MAP1S: variants seen among roughly 807,000 people sequenced by gnomAD.
MAP1S encodes the protein microtubule associated protein 1S.
MAP1S carries 27 observed loss-of-function variants against 60.9 expected under a neutral mutation model. The observed-to-expected ratio is 0.44, with a 90% CI of 0.33 to 0.61. The LOEUF is 0.61. Among genes scored for constraint, MAP1S ranks in the 20% least tolerant of loss-of-function variants. The probability of loss-of-function intolerance (pLI) is 0.03; values close to 1 mark genes in which losing one functional copy is unlikely to be tolerated. For missense variants in MAP1S, 1,608 were observed against 1,486.6 expected (o/e 1.08, Z -1.34); for synonymous variants, 826 against 694.2 (o/e 1.19, Z -2.98).
At chr19:17,720,491 G>A in intron 1 of MAP1S, 3 of 1,522,272 alleles carry the variant, frequency 2.0e-6, no homozygotes, top group Non-Finnish European at 1.8e-6. Context: ...CAGCTCACAT[G>A]GTGTCAGGAA....
At position 17,719,485 on chromosome 19, in the gene MAP1S, C is replaced by T. The variant is rs1344095393; in HGVS notation, c.-18C>T. On this transcript the variant is annotated 5_prime_UTR_variant, in exon 1 of 7. The change creates a new upstream start codon in the 5' untranslated region. Coordinates refer to ENST00000324096, the MANE Select transcript of MAP1S (RefSeq NM_018174.6). ...GGGCCTGCGGGGCGGGCGCCGAGAA[C>T]GCCGGGGCGGCCCGAAGATGGCGGC... is the stretch of plus-strand genomic sequence containing the variant. 4.0e-6 allele frequency: 5 copies of T among 1,240,020 alleles called. No homozygotes were observed. Among genetic ancestry groups the T allele is most frequent in the Non-Finnish European group, 5.1e-6 (5 of 984,394 alleles). The allele number at this position is 1,240,020 out of a possible 1,614,324, so 76.8% of individuals were successfully genotyped here.
rs949779752 is a variant in MAP1S, at chr19:17,725,465, G to T, written c.444+276G>T. On this transcript the variant is annotated intron_variant, in intron 4 of 6. Coordinates refer to ENST00000324096, the MANE Select transcript of MAP1S (RefSeq NM_018174.6). This position sits in a 1 kb window ranked among gnomAD's most constrained non-coding sequence, Gnocchi z 4.2. Reference sequence around the variant, plus strand: ...GTCCTTCCTGGTGCCCGCAGTCTGGGTAGGACACATGGGCAAAATGGCAAA... The same window carrying T: ...GTCCTTCCTGGTGCCCGCAGTCTGGTTAGGACACATGGGCAAAATGGCAAA... Among the ~76,000 whole-genome samples, 4 of 152,222 alleles carry T rather than the reference G, an allele frequency of 2.6e-5. No homozygotes were observed. Among genetic ancestry groups the T allele is most frequent in the Non-Finnish European group, 4.4e-5 (3 of 68,042 alleles).
rs569740795 is a variant in MAP1S at position 17,723,786 on chromosome 19, C to T, written c.221-340C>T. 2.8e-3 allele frequency among the ~76,000 whole-genome samples: 431 copies of T among 152,176 alleles called. 2 individuals are homozygous for T. The highest frequency in any genetic ancestry group is 3.8e-3 in the Non-Finnish European group (256 of 67,998). On this transcript the variant is annotated intron_variant, in intron 2 of 6. Coordinates refer to ENST00000324096, the MANE Select transcript of MAP1S (RefSeq NM_018174.6). The stretch of plus-strand genomic sequence containing the variant: ...AATGGCGTGAACCCGGGAGGAGGAG[C>T]GGAGCTTGCAGTGAGCAGAGATTGC...
rs372354817 is a variant in MAP1S at position 17,727,451 on chromosome 19, G to A, written c.2067G>A (p.Pro689=). ...TPSLPAEVGS[P]HSTEVDESLS... ...CACTACCCGCAGAGGTGGGCTCCCC[G>A]CACTCGACCGAGGTGGACGAGTCCC... is the stretch of plus-strand genomic sequence containing the variant. The change falls in exon 5 of 7, where the codon CCG becomes CCA. Residue 689 remains proline (P), a synonymous_variant. Transcript: ENST00000324096. The surrounding 1 kb of genome is among the most constrained non-coding windows in gnomAD (Gnocchi z 4.1). 1.4e-5 allele frequency: 23 copies of A among 1,603,766 alleles called. No individual in the cohort carries two copies. Among genetic ancestry groups the A allele is most frequent in the Admixed American group, 1.7e-5 (1 of 58,784 alleles).
At chr19:17,720,889 C>A in intron 1 of MAP1S, 47 bp from the exon 2 acceptor site, 1 of 1,436,704 alleles carries the variant, frequency 7.0e-7, no homozygotes, top group Admixed American at 1.7e-5. Flanking sequence ...ATTCTGGGAG[C>A]TGGGGGGCCC....
chr19:17,726,698 C>A lies in MAP1S; in HGVS notation c.1314C>A (p.Pro438=). 6.3e-7 allele frequency: 1 copy of A among 1,589,426 alleles called. No individual in the cohort carries two copies. Among genetic ancestry groups the A allele is most frequent in the Non-Finnish European group, 8.5e-7 (1 of 1,171,702 alleles). The part of the protein sequence containing the change: ...VRVLFPGCTP[P]ACLLDGLVRL... ...TGCTGTTCCCCGGTTGCACCCCGCC[C>A]GCCTGCCTCCTGGACGGCCTGGTCC... is the stretch of plus-strand genomic sequence containing the variant. The change falls in exon 5 of 7, where the codon CCC becomes CCA. Residue 438 remains proline, a synonymous_variant. Transcript: ENST00000324096.
chr19:17,730,554 G>A (rs1004063957), intron 5 of MAP1S, among the ~76,000 whole-genome samples: 19 of 152,142 alleles, frequency 1.2e-4, no homozygotes, highest in African/African-American at 4.3e-4. Context: ...AGCCTCAAGC[G>A]ATTCTCTCGC....
intron 6 of MAP1S, 108 bp from the exon 7 acceptor site, chr19:17,734,165 G>T: frequency 2.3e-6 from 2 of 879,988 alleles, no homozygotes; most frequent in Non-Finnish European, 3.5e-6. Context: ...GCCAGGAGGG[G>T]TCTCAAATGC....
At chr19:17,731,183 C>A (rs1473467972) in intron 5 of MAP1S, among the ~76,000 whole-genome samples, 3 of 152,162 alleles carry the variant, frequency 2.0e-5, no homozygotes, top group African/African-American at 7.2e-5. Context: ...ATGTGAGTCA[C>A]CATGCCTGGT....
chr19:17,728,083 GTGC>G lies in MAP1S; in HGVS notation c.2700_2702del (p.Ala901del). 6.2e-7 allele frequency: 1 copy of G among 1,612,774 alleles called. No homozygotes were observed. Among genetic ancestry groups the G allele is most frequent in the Non-Finnish European group, 8.5e-7 (1 of 1,179,900 alleles). On this transcript the variant is annotated inframe_deletion, in exon 5 of 7. Transcript: ENST00000324096. The stretch of plus-strand genomic sequence containing the variant: ...GGGGACCGTGCCAGCCGACCACTCA[GTGC>G]CCGGAGTGAGCCCAGTGAGAAGGGA...
At chr19:17,720,383 A>G (rs1210451213) in intron 1 of MAP1S, 5 of 1,534,716 alleles carry the variant, frequency 3.3e-6, no homozygotes, top group Non-Finnish European at 2.6e-6. Context: ...GGCAGTGGAC[A>G]CAGGGATATG....
chr19:17,729,927 C>T (rs1203664575), intron 5 of MAP1S, among the ~76,000 whole-genome samples: 2 of 152,218 alleles, frequency 1.3e-5, no homozygotes, highest in Non-Finnish European at 1.5e-5. Context: ...TCCCAAAGTA[C>T]TGGGATTACA....
In MAP1S at chr19:17,726,720, G is replaced by A; in HGVS notation, c.1336G>A (p.Val446Ile). Reference sequence around the variant, plus strand: ...GCCCGCCTGCCTCCTGGACGGCCTGGTCCGCCTGCAGCACTTGAGGTTCCT... The same window carrying A: ...GCCCGCCTGCCTCCTGGACGGCCTGATCCGCCTGCAGCACTTGAGGTTCCT... ...TPPACLLDGL[V>I]RLQHLRFLRE... The change falls in exon 5 of 7, where the codon GTC becomes ATC. Residue 446 changes from valine (V) to isoleucine (I), a missense_variant. Transcript: ENST00000324096. The A allele has an allele frequency of 1.3e-6, 2 of 1,591,216 alleles. No individual in the cohort carries two copies.
rs746050605 is a variant in MAP1S, at chr19:17,725,857, C to G, written c.473C>G (p.Pro158Arg). 1.2e-6 allele frequency: 2 copies of G among 1,613,262 alleles called. No individual in the cohort carries two copies. The highest frequency in any genetic ancestry group is 1.1e-5 in the South Asian group (1 of 91,012). ...EIRDILATTP[P>R]PVQPPILTIT... is the part of the protein sequence containing the mutation. ...CGGGACATCCTGGCCACCACGCCCC[C>G]ACCTGTGCAGCCGCCCATACTCACC... The change falls in exon 5 of 7, where the codon CCA becomes CGA. Residue 158 changes from proline to arginine, a missense_variant. Physicochemically the swap from Pro to Arg is moderately radical, Grantham distance 103. Coordinates refer to ENST00000324096, the MANE Select transcript of MAP1S (RefSeq NM_018174.6). This position sits in a 1 kb window ranked among gnomAD's most constrained non-coding sequence, Gnocchi z 4.2.
intron 5 of MAP1S, among the ~76,000 whole-genome samples, chr19:17,731,311 C>T (rs2080491340): frequency 6.6e-6 from 1 of 152,184 alleles, no homozygotes; most frequent in Non-Finnish European, 1.5e-5. Flanking sequence ...GATCCAGTGT[C>T]ATTCTCTTGC....
chr19:17,721,150 C>T, intron 2 of MAP1S, 113 bp downstream of exon 2: 1 of 847,738 alleles, frequency 1.2e-6, no homozygotes, highest in Non-Finnish European at 2.0e-6. Context: ...AGTAATAATA[C>T]AGTTGAGACC....
In MAP1S at chr19:17,725,906, C is replaced by G. The variant is rs1180299719; in HGVS notation, c.522C>G (p.Asp174Glu). 3 of 1,613,816 alleles carry G rather than the reference C, an allele frequency of 1.9e-6. No individual in the cohort carries two copies. Among genetic ancestry groups the G allele is most frequent in the Admixed American group, 3.3e-5 (2 of 60,020 alleles). The change falls in exon 5 of 7, where the codon GAC becomes GAG. Residue 174 changes from aspartate (D) to glutamate (E), a missense_variant. Transcript: ENST00000324096. The surrounding 1 kb of genome is among the most constrained non-coding windows in gnomAD (Gnocchi z 4.2). ...CCATCACCTGCCCCACCTTCGGTGA[C>G]TGGGCTCAGCTGGCACCCGCTGTGC... ...ILTITCPTFGDWAQLAPAVPG... is the reference protein window; with the variant it reads ...ILTITCPTFGEWAQLAPAVPG...
At position 17,727,506 on chromosome 19, in the gene MAP1S, C is replaced by T. The variant is rs1240842227; in HGVS notation, c.2122C>T (p.Pro708Ser). Residue 708 changes from proline to serine, a missense_variant, in exon 5 of 7, where the codon CCA becomes TCA. Physicochemically the swap from Pro to Ser is moderately conservative, Grantham distance 74. Coordinates refer to ENST00000324096, the MANE Select transcript of MAP1S (RefSeq NM_018174.6). This position sits in a 1 kb window ranked among gnomAD's most constrained non-coding sequence, Gnocchi z 4.1. ...LSVSFEQVLP[P>S]SAPTSEAGLS... ...GGTGTCCTTTGAGCAGGTGCTGCCG[C>T]CATCCGCCCCCACCAGTGAGGCTGG... The T allele has an allele frequency of 1.2e-6, 2 of 1,610,910 alleles. No individual in the cohort carries two copies. The highest frequency in any genetic ancestry group is 1.7e-6 in the Non-Finnish European group (2 of 1,179,396).
rs200551809 is a variant in MAP1S at position 17,734,302 on chromosome 19, G to C, written c.3054G>C (p.Val1018=). 237 of 1,613,618 alleles carry C rather than the reference G, an allele frequency of 1.5e-4. 1 individual carries two copies. In the East Asian group the frequency reaches 3.4e-3, roughly 23 times the overall value. ...CCCTGATCCCCACTTTCGACTCGGT[G>C]GCCATGCATACGTGGTACGCAGAGA... ...QVTLIPTFDS[V]AMHTWYAETH... Residue 1018 remains valine (V), a synonymous_variant, in exon 7 of 7, where the codon GTG becomes GTC. Transcript: ENST00000324096.
Sources: gnomAD v4.1 joint callset for allele counts (sites outside exome capture counted in the v4.1 genomes callset) on GRCh38, gnomAD v4.1.1 for gene constraint, Gnocchi (gnomAD v3.1) non-coding constraint, MANE v1.5 for transcripts, NCBI Gene and HGNC (gene_info 2026-07-23, HGNC 2026-07-21) for gene names.